The following ZNF536 variants were observed in gnomAD, a reference collection of about 807,000 sequenced individuals.
The protein encoded by ZNF536 is zinc finger protein 536.
A neutral mutation model predicts 84.5 loss-of-function variants in ZNF536; 13 were observed. The ratio of observed to expected loss-of-function variants is 0.15; its 90% CI spans 0.10 to 0.24. The LOEUF is 0.24. Among genes scored for constraint, ZNF536 ranks in the 10% least tolerant of loss-of-function variants. The pLI, the probability that ZNF536 is intolerant of heterozygous loss-of-function variation, is 1.00. For missense variants in ZNF536, 1,536 were observed against 1,747.5 expected, an observed-to-expected ratio of 0.88 and a Z score of 2.16; for synonymous variants, 811 against 742.5, an observed-to-expected ratio of 1.09 and a Z score of -1.50.
At chr19:30,700,066 C>T in intron 1 of ZNF536, among the ~76,000 whole-genome samples, 1 of 146,338 alleles carries the variant, frequency 6.8e-6, no homozygotes, top group Non-Finnish European at 1.5e-5. Context: ...CCTCCGCCTC[C>T]CTCCTTCTCT....
At chr19:30,677,449 C>T (rs1188407208) in intron 1 of ZNF536, among the ~76,000 whole-genome samples, 6 of 152,230 alleles carry the variant, frequency 3.9e-5, no homozygotes, top group Non-Finnish European at 7.3e-5. Context: ...CCTGGCCACC[C>T]TTGGCCATCC....
intron 1 of ZNF536, among the ~76,000 whole-genome samples, chr19:30,670,895 G>T (rs2050526617): frequency 6.6e-6 from 1 of 152,192 alleles, no homozygotes; most frequent in South Asian, 2.1e-4. Context: ...ATGGATGAAT[G>T]ATTGCCCATT....
chr19:30,620,623 C>T (rs2048449835), intron 1 of ZNF536, among the ~76,000 whole-genome samples: 1 of 152,164 alleles, frequency 6.6e-6, no homozygotes, highest in Non-Finnish European at 1.5e-5. Context: ...CCATGTGTTG[C>T]AGTGGTGGCT....
At chr19:30,346,435 C>T (rs1472564292) in intron 2 of ZNF536, among the ~76,000 whole-genome samples, 1 of 152,076 alleles carries the variant, frequency 6.6e-6, no homozygotes, top group African/African-American at 2.4e-5. Context: ...TTAGTTGTCA[C>T]CCAGGTATTT....
At chr19:30,237,043 A>ATT (rs10629452) in intron 1 of ZNF536, among the ~76,000 whole-genome samples, 4,028 of 147,612 alleles carry the variant, frequency 0.027, 162 homozygotes, top group African/African-American at 0.093. Flanking sequence ...TTCTTGTGAG[A>ATT]TTTTTTTTTT....
chr19:30,417,148 ATTTTTT>A (rs71173904), intron 1 of ZNF536, among the ~76,000 whole-genome samples: 4 of 100,266 alleles, frequency 4.0e-5, no homozygotes, highest in South Asian at 5.6e-4. Context: ...TAATTTTTGT[ATTTTTT>A]TTTTTTTTTT....
At chr19:30,646,718 T>C (rs574967585) in intron 1 of ZNF536, among the ~76,000 whole-genome samples, 46 of 152,340 alleles carry the variant, frequency 3.0e-4, no homozygotes, top group African/African-American at 1.1e-3. Flanking sequence ...GGGATGGTCA[T>C]GTATTCATCA....
At position 30,445,888 on chromosome 19, in the gene ZNF536, C is replaced by CG. The variant is rs1568440013; in HGVS notation, c.2170+156_2170+157insG. ...CACTGGGCCATGCCTTTCTTTCCCC[C>CG]CCTGACTGGAGGGAAAGGGCCGTCC... On this transcript the variant is annotated intron_variant, in intron 2 of 4. Coordinates refer to ENST00000355537, the MANE Select transcript of ZNF536 (RefSeq NM_014717.3). This position sits in a 1 kb window ranked among gnomAD's most constrained non-coding sequence, Gnocchi z 4.5. Among the ~76,000 whole-genome samples, 1 of 152,086 alleles carries CG rather than the reference C, an allele frequency of 6.6e-6. No homozygotes were observed. The highest frequency in any genetic ancestry group is 6.6e-5 in the Admixed American group (1 of 15,264).
intron 1 of ZNF536, among the ~76,000 whole-genome samples, chr19:30,598,377 G>A (rs1599932653): frequency 6.6e-6 from 1 of 152,242 alleles, no homozygotes; most frequent in East Asian, 1.9e-4. Context: ...CATCTAGGGA[G>A]AGTCTCTGCA....
chr19:30,275,948 C>T (rs1241146757), intron 1 of ZNF536, among the ~76,000 whole-genome samples: 7 of 152,156 alleles, frequency 4.6e-5, no homozygotes, highest in Admixed American at 2.0e-4. Flanking sequence ...ACTGAATCAC[C>T]GGCAAGAGTA....
In ZNF536 at chr19:30,538,087, G is replaced by A. The variant is rs551174940; in HGVS notation, c.2323+3088G>A. ...CAAGTAATTAAAAATCACAATCAACGTATTTGTTAATAAGTGATTTCATGT... is the reference window on the plus strand; with the variant it reads ...CAAGTAATTAAAAATCACAATCAACATATTTGTTAATAAGTGATTTCATGT... On this transcript the variant is annotated intron_variant, in intron 3 of 4. Transcript: ENST00000355537. Among the ~76,000 whole-genome samples the A allele has an allele frequency of 1.5e-4, 23 of 152,260 alleles. No individual in the cohort carries two copies. The South Asian group carries it at 1.9e-3, about 12-fold the overall frequency.
chr19:30,233,340 T>C (rs1326819528), intron 1 of ZNF536, among the ~76,000 whole-genome samples: 2 of 90,476 alleles, frequency 2.2e-5, no homozygotes, highest in East Asian at 2.5e-4. Context: ...TAATGATACC[T>C]TTTTTTTTTT....
intron 1 of ZNF536, among the ~76,000 whole-genome samples, chr19:30,664,696 C>T (rs915032176): frequency 4.1e-5 from 6 of 145,010 alleles, no homozygotes; most frequent in South Asian, 2.5e-4. Flanking sequence ...TGGTGAGAAT[C>T]GGGGAGGGTG....
At chr19:30,384,311 CTCCCT>C (rs1160339990) in intron 1 of ZNF536, among the ~76,000 whole-genome samples, 1 of 4,006 alleles carries the variant, frequency 2.5e-4, no homozygotes, top group Non-Finnish European at 6.3e-4. Context: ...CTCCCCTCCC[CTCCCT>C]TCCCCTCCCC....
In ZNF536 at chr19:30,444,682, T is replaced by G; in HGVS notation, c.1120T>G (p.Cys374Gly). 2 of 1,613,976 alleles carry G rather than the reference T, an allele frequency of 1.2e-6. No individual in the cohort carries two copies. Among genetic ancestry groups the G allele is most frequent in the Non-Finnish European group, 1.7e-6 (2 of 1,180,050 alleles). The change falls in exon 2 of 5, where the codon TGC becomes GGC. Residue 374 changes from cysteine (C) to glycine (G), a missense_variant. Cys to Gly is a radical substitution (Grantham distance 159). Coordinates refer to ENST00000355537, the MANE Select transcript of ZNF536 (RefSeq NM_014717.3). ...CAAGCACAAAGACTCCTTTGAGCAC[T>G]GCTGCCAGATCTGCGGCCGGCGCTT... ...MRKHKDSFEH[C>G]CQICGRRFKE...
At chr19:30,606,291 T>A (rs11879205) in intron 1 of ZNF536, among the ~76,000 whole-genome samples, 37 of 55,724 alleles carry the variant, frequency 6.6e-4, no homozygotes, top group Admixed American at 2.4e-3. Flanking sequence ...TAAAATAAAA[T>A]AAATAAAATA....
chr19:30,675,778 T>C (rs901699748), intron 1 of ZNF536, among the ~76,000 whole-genome samples: 1 of 152,202 alleles, frequency 6.6e-6, no homozygotes, highest in African/African-American at 2.4e-5. Context: ...AAAAGATGGC[T>C]ATAGAGATGA....
intron 1 of ZNF536, among the ~76,000 whole-genome samples, chr19:30,416,822 G>A (rs1568408281): frequency 6.6e-6 from 1 of 152,068 alleles, no homozygotes; most frequent in African/African-American, 2.4e-5. Flanking sequence ...ATAATACTTG[G>A]CACTTGGCTT....
chr19:30,283,182 C>T (rs1338917384), intron 1 of ZNF536, among the ~76,000 whole-genome samples: 1 of 152,346 alleles, frequency 6.6e-6, no homozygotes, highest in East Asian at 1.9e-4. Flanking sequence ...TACAACTTCA[C>T]TTTCAGTAAA....
Sources: gnomAD v4.1 joint callset for allele counts (sites outside exome capture counted in the v4.1 genomes callset) on GRCh38, gnomAD v4.1.1 for gene constraint, Gnocchi (gnomAD v3.1) non-coding constraint, MANE v1.5 for transcripts, NCBI Gene and HGNC (gene_info 2026-07-23, HGNC 2026-07-21) for gene names.